ZBED6: variants seen among roughly 807,000 people sequenced by gnomAD.
ZBED6 encodes the protein zinc finger BED domain-containing protein 6.
A neutral mutation model predicts 58.4 loss-of-function variants in ZBED6; 40 were observed. The observed-to-expected ratio is 0.68, with a 90% CI of 0.53 to 0.89. ZBED6 has a LOEUF of 0.89. Among genes scored for constraint, ZBED6 ranks in the 40% least tolerant of loss-of-function variants. The pLI is 0.00. For synonymous variants in ZBED6, 439 were observed against 350.6 expected (o/e 1.25, Z -2.82); for missense variants, 1,057 against 1,003.9 (o/e 1.05, Z -0.71).
chr1:203,829,087 G>T (rs1046999846), intron 4 of ZBED6, among the ~76,000 whole-genome samples: 11 of 152,160 alleles, frequency 7.2e-5, no homozygotes, highest in Non-Finnish European at 1.3e-4. Context: ...TTTCTGGTTT[G>T]GTTCAAGTAA....
chr1:203,811,515 T>C (rs1674487340), intron 1 of ZBED6, among the ~76,000 whole-genome samples: 1 of 151,664 alleles, frequency 6.6e-6, no homozygotes, highest in African/African-American at 2.4e-5. Context: ...CCTTAAAAAC[T>C]TTTTTTTTCT....
chr1:203,837,994 T>A (rs1684913148), exon 10 of ZBED6: 1 of 1,614,126 alleles, frequency 6.2e-7, no homozygotes, highest in African/African-American at 1.3e-5. Context: ...CATTAAAGCG[T>A]AGCCTGGCAC....
chr1:203,841,711 C>T (rs1289195833), intron 11 of ZBED6, among the ~76,000 whole-genome samples: 1 of 152,110 alleles, frequency 6.6e-6, no homozygotes, highest in African/African-American at 2.4e-5. Context: ...AGGGGCTCCT[C>T]ACTTCCCAGA....
At chr1:203,852,495 T>C in exon 17 of ZBED6, 1 of 1,399,648 alleles carries the variant, frequency 7.1e-7, no homozygotes. Context: ...ATTTCTTTAG[T>C]CTAGAATTTG....
intron 7 of ZBED6, among the ~76,000 whole-genome samples, chr1:203,830,822 A>AT (rs1345101182): frequency 6.6e-6 from 1 of 152,036 alleles, no homozygotes; most frequent in Non-Finnish European, 1.5e-5. Flanking sequence ...AAGAAAAAAA[A>AT]GGAAAAACGT....
chr1:203,820,933 T>C (rs1015565464), intron 3 of ZBED6, among the ~76,000 whole-genome samples: 1 of 152,118 alleles, frequency 6.6e-6, no homozygotes, highest in African/African-American at 2.4e-5. Context: ...TGTGGAGAGG[T>C]ACTTTTAGAC....
chr1:203,828,362 T>C (rs768972058), exon 4 of ZBED6: 1 of 1,614,116 alleles, frequency 6.2e-7, no homozygotes. Flanking sequence ...AAAATTAAAC[T>C]GCGCTTTCCA....
chr1:203,821,918 C>T (rs1486330849), intron 3 of ZBED6, among the ~76,000 whole-genome samples: 2 of 152,102 alleles, frequency 1.3e-5, no homozygotes, highest in Admixed American at 6.5e-5. Context: ...CCACCACGCC[C>T]GGCTAATTTT....
chr1:203,828,964 T>G (rs1045453431), intron 4 of ZBED6, among the ~76,000 whole-genome samples: 3 of 152,238 alleles, frequency 2.0e-5, no homozygotes, highest in African/African-American at 7.2e-5. Context: ...AAGTTCATTT[T>G]AAAGTAATTT....
chr1:203,798,404 G>T, exon 1 of ZBED6: 1 of 1,533,750 alleles, frequency 6.5e-7, no homozygotes, highest in South Asian at 1.2e-5. Flanking sequence ...GTGTGAGCCG[G>T]GGTAGGCCAG....
intron 7 of ZBED6, 24 bp downstream of exon 7, chr1:203,830,227 G>A: frequency 6.4e-7 from 1 of 1,556,192 alleles, no homozygotes; most frequent in Non-Finnish European, 8.7e-7. Flanking sequence ...TTTTGGCATG[G>A]ATAGTTGTAT....
At chr1:203,833,237 G>T (rs1367112838) in intron 8 of ZBED6, among the ~76,000 whole-genome samples, 1 of 151,984 alleles carries the variant, frequency 6.6e-6, no homozygotes, top group African/African-American at 2.4e-5. Context: ...GCATGGTGGT[G>T]CACGCCTGTA....
chr1:203,830,309 A>G lies in ZBED6; in HGVS notation c.*3399+106A>G, dbSNP rs746671154. 9.5e-5 allele frequency: 83 copies of G among 875,526 alleles called. No individual in the cohort carries two copies. In the South Asian group the frequency reaches 1.2e-3, roughly 13 times the overall value. The allele number at this position is 875,526 out of a possible 1,614,324, so 54.2% of individuals were successfully genotyped here. A position where few individuals can be genotyped will look rare whatever the true frequency, so the allele number is the denominator to read the frequency against. ...AATGAGCAAATAGATTTTCATTTCC[A>G]TGGCCTGTTTGAAGTAAAACACAGA... is the stretch of plus-strand genomic sequence containing the variant. On this transcript the variant is annotated intron_variant, in intron 7 of 16. Coordinates refer to ENST00000550078, the Ensembl canonical transcript of ZBED6.
chr1:203,841,162 T>TA (rs1334587270), intron 11 of ZBED6, among the ~76,000 whole-genome samples: 13 of 151,918 alleles, frequency 8.6e-5, no homozygotes, highest in African/African-American at 1.9e-4. Context: ...TTTTTATTTT[T>TA]TTTTTTAGTA....
At chr1:203,831,434 C>T (rs1036550888) in intron 7 of ZBED6, among the ~76,000 whole-genome samples, 2 of 152,008 alleles carry the variant, frequency 1.3e-5, no homozygotes, top group Admixed American at 6.6e-5. Flanking sequence ...AGTTTGGGTG[C>T]CTAAGTCACT....
chr1:203,799,266 C>G (rs1315002159), exon 1 of ZBED6: 1 of 751,754 alleles, frequency 1.3e-6, no homozygotes, highest in Non-Finnish European at 2.3e-6. Context: ...TACCCATGTG[C>G]CATGCTTCCT....
chr1:203,814,517 C>T (rs1572033403), intron 1 of ZBED6, among the ~76,000 whole-genome samples: 1 of 151,986 alleles, frequency 6.6e-6, no homozygotes, highest in African/African-American at 2.4e-5. Context: ...GAGCAAGACT[C>T]CATCTCAAAG....
intron 11 of ZBED6, among the ~76,000 whole-genome samples, chr1:203,845,680 C>A (rs1431633717): frequency 1.3e-5 from 2 of 151,982 alleles, no homozygotes; most frequent in Non-Finnish European, 2.9e-5. Context: ...GCCTGGCCAA[C>A]ATGGCAAAAC....
At chr1:203,829,881 G>A in exon 6 of ZBED6, 2 of 1,613,980 alleles carry the variant, frequency 1.2e-6, no homozygotes, top group Non-Finnish European at 1.7e-6. Flanking sequence ...GAAACCTGCA[G>A]TCAATATAAA....
Sources: allele counts gnomAD v4.1 joint callset (sites outside exome capture counted in the v4.1 genomes callset), GRCh38; gene constraint gnomAD v4.1.1; transcripts MANE v1.5; gene names NCBI Gene and HGNC (gene_info 2026-07-23, HGNC 2026-07-21).